Variants in ARHGAP5 observed in about 807,000 individuals in gnomAD.
The protein encoded by ARHGAP5 is Rho GTPase activating protein 5.
ARHGAP5 carries 23 observed loss-of-function variants against 116.6 expected under a neutral mutation model. The observed-to-expected ratio is 0.20, with a 90% CI of 0.14 to 0.28. The LOEUF is 0.28. Among genes scored for constraint, ARHGAP5 ranks in the 10% least tolerant of loss-of-function variants. ARHGAP5 has a pLI of 1.00. For missense variants in ARHGAP5, 1,405 were observed against 1,774.8 expected (o/e 0.79, Z 3.74); for synonymous variants, 574 against 602.0 (o/e 0.95, Z 0.68).
intron 2 of ARHGAP5, among the ~76,000 whole-genome samples, chr14:32,114,886 T>C (rs1313430946): frequency 6.6e-6 from 1 of 152,214 alleles, no homozygotes; most frequent in Non-Finnish European, 1.5e-5. Context: ...CTGTGCGCCT[T>C]CCCCTGCCCA....
chr14:32,147,341 G>A (rs1018448325), intron 4 of ARHGAP5, among the ~76,000 whole-genome samples: 14 of 152,164 alleles, frequency 9.2e-5, no homozygotes, highest in Non-Finnish European at 4.4e-5. Flanking sequence ...AAAACAGGGT[G>A]TGACATACCT....
At chr14:32,113,404 G>A (rs1879407145) in intron 2 of ARHGAP5, among the ~76,000 whole-genome samples, 1 of 152,144 alleles carries the variant, frequency 6.6e-6, no homozygotes, top group Non-Finnish European at 1.5e-5. Flanking sequence ...TTATATGTAT[G>A]GATTATAATT....
At chr14:32,127,713 C>T (rs1475385468) in intron 3 of ARHGAP5, among the ~76,000 whole-genome samples, 4 of 152,126 alleles carry the variant, frequency 2.6e-5, no homozygotes, top group African/African-American at 7.2e-5. Flanking sequence ...GGGTGGCGGC[C>T]GGGCAGAGGG....
chr14:32,116,820 T>A (rs561975877), intron 2 of ARHGAP5, among the ~76,000 whole-genome samples: 2 of 152,318 alleles, frequency 1.3e-5, no homozygotes, highest in African/African-American at 4.8e-5. Flanking sequence ...CTAAACTGAA[T>A]CAGGTATTGC....
chr14:32,153,103 C>T (rs1171733722), intron 6 of ARHGAP5, among the ~76,000 whole-genome samples: 3 of 147,062 alleles, frequency 2.0e-5, no homozygotes, highest in African/African-American at 7.5e-5. Flanking sequence ...AAGTACATTT[C>T]AGCTGGTACC....
intron 3 of ARHGAP5, among the ~76,000 whole-genome samples, chr14:32,125,233 C>T (rs1483792574): frequency 6.6e-6 from 1 of 152,144 alleles, no homozygotes; most frequent in African/African-American, 2.4e-5. Context: ...TTTACTAATT[C>T]TGGATATTTC....
In ARHGAP5 at chr14:32,113,170, G is replaced by A. The variant is rs995225642; in HGVS notation, c.3718-3970G>A. 1.4e-4 allele frequency among the ~76,000 whole-genome samples: 21 copies of A among 152,102 alleles called. 1 individual carries two copies. The highest frequency in any genetic ancestry group is 1.5e-5 in the Non-Finnish European group (1 of 68,026). ...AAAGGGTGCTTATCAGAATTTTGTG[G>A]AGAGTTTTTCAAAAGTCACATGTTT... On this transcript the variant is annotated intron_variant, in intron 2 of 6. Transcript: ENST00000345122.
chr14:32,104,794 C>T (rs2139043886), intron 2 of ARHGAP5, among the ~76,000 whole-genome samples: 1 of 152,206 alleles, frequency 6.6e-6, no homozygotes. Context: ...TTAAAATTCT[C>T]AGGCTTTTCA....
rs1261381600 is a variant in ARHGAP5, at chr14:32,149,918, A to G, written c.3960A>G (p.Leu1320=). The change falls in exon 5 of 7, where the codon CTA becomes CTG. Residue 1320 remains leucine, a synonymous_variant. Coordinates refer to ENST00000345122, the MANE Select transcript of ARHGAP5 (RefSeq NM_001030055.2). ...GTCTTGTAGATCATAATATCAATCT[A>G]GTGTCAATGGAAGTAACAGTAAATG... The part of the protein sequence containing the change: ...KQFDQDHNIN[L]VSMEVTVNAV... 2 of 1,554,262 alleles carry G rather than the reference A, an allele frequency of 1.3e-6. No homozygotes were observed. Among genetic ancestry groups the G allele is most frequent in the African/African-American group, 2.8e-5 (2 of 72,498 alleles).
At chr14:32,137,815 TACAAA>T (rs1880888338) in intron 3 of ARHGAP5, among the ~76,000 whole-genome samples, 1 of 151,708 alleles carries the variant, frequency 6.6e-6, no homozygotes, top group African/African-American at 2.4e-5. Flanking sequence ...CTACTAAAAA[TACAAA>T]AATTAGCCAG....
chr14:32,145,913 A>G (rs1163759120), intron 3 of ARHGAP5, among the ~76,000 whole-genome samples: 9 of 152,118 alleles, frequency 5.9e-5, no homozygotes, highest in Admixed American at 1.3e-4. Context: ...AAGTACATTT[A>G]TTGTTATAGA....
chr14:32,151,022 A>G (rs1390909656), intron 5 of ARHGAP5, among the ~76,000 whole-genome samples: 1 of 152,170 alleles, frequency 6.6e-6, no homozygotes, highest in African/African-American at 2.4e-5. Flanking sequence ...AGGTTATTTT[A>G]GATGAGACTA....
chr14:32,130,437 G>A (rs1880421305), intron 3 of ARHGAP5, among the ~76,000 whole-genome samples: 1 of 151,064 alleles, frequency 6.6e-6, no homozygotes, highest in Admixed American at 6.6e-5. Flanking sequence ...TGCCAGGCTG[G>A]TCTGGAACTC....
chr14:32,136,366 C>A (rs1210947739), intron 3 of ARHGAP5, among the ~76,000 whole-genome samples: 1 of 152,176 alleles, frequency 6.6e-6, no homozygotes, highest in Non-Finnish European at 1.5e-5. Context: ...TCTGAAATCA[C>A]AAAATGTGAC....
intron 1 of ARHGAP5, among the ~76,000 whole-genome samples, chr14:32,089,104 A>G (rs1180391898): frequency 6.6e-6 from 1 of 151,982 alleles, no homozygotes; most frequent in Non-Finnish European, 1.5e-5. Context: ...GTTGAGGTTG[A>G]TGGAATAAAC....
chr14:32,089,391 G>T (rs998730949), intron 1 of ARHGAP5, among the ~76,000 whole-genome samples: 5 of 151,826 alleles, frequency 3.3e-5, no homozygotes, highest in African/African-American at 1.2e-4. Context: ...ATGTGCTGAT[G>T]TACGTTGCTA....
chr14:32,133,221 T>C lies in ARHGAP5; in HGVS notation c.3866-13042T>C, dbSNP rs912232321. Reference sequence around the variant, plus strand: ...TATTGATTCTTCCTACCCATGAGCATGGAATGTTCTTCCATTTGTTTGTAT... The same window carrying C: ...TATTGATTCTTCCTACCCATGAGCACGGAATGTTCTTCCATTTGTTTGTAT... On this transcript the variant is annotated intron_variant, in intron 3 of 6. Transcript: ENST00000345122. 3.1e-3 allele frequency among the ~76,000 whole-genome samples: 465 copies of C among 152,344 alleles called. 1 individual carries two copies. The highest frequency in any genetic ancestry group is 0.011 in the African/African-American group (445 of 41,580).
rs1277351875 is a variant in ARHGAP5 at position 32,143,227 on chromosome 14, G to GTTATTA, written c.3866-3034_3866-3033insATTATT. 2.1e-3 allele frequency among the ~76,000 whole-genome samples: 305 copies of GTTATTA among 147,660 alleles called. 2 individuals are homozygous for GTTATTA. Among genetic ancestry groups the GTTATTA allele is most frequent in the African/African-American group, 7.6e-3 (287 of 37,784 alleles). On this transcript the variant is annotated intron_variant, in intron 3 of 6. Coordinates refer to ENST00000345122, the MANE Select transcript of ARHGAP5 (RefSeq NM_001030055.2). ...AGTTGTTGTTGTTGTTGTTGTTGTTGTTGTTGTTGTTGTTATTATTATTAT... is the reference window on the plus strand; with the variant it reads ...AGTTGTTGTTGTTGTTGTTGTTGTTGTTATTATTGTTGTTGTTGTTATTATTATTAT...
intron 3 of ARHGAP5, among the ~76,000 whole-genome samples, chr14:32,125,440 C>T (rs973670929): frequency 1.3e-5 from 2 of 152,184 alleles, no homozygotes; most frequent in East Asian, 1.9e-4. Flanking sequence ...CTGCTGTGAA[C>T]ATTCATGTGT....
Sources: allele counts gnomAD v4.1 joint callset (sites outside exome capture counted in the v4.1 genomes callset), GRCh38; gene constraint gnomAD v4.1.1; transcripts MANE v1.5; gene names NCBI Gene and HGNC (gene_info 2026-07-23, HGNC 2026-07-21).